The following PCBP3 variants were observed in gnomAD, a reference collection of about 807,000 sequenced individuals.
PCBP3 encodes poly(rC)-binding protein 3.
PCBP3 carries 25 observed loss-of-function variants against 52.7 expected under a neutral mutation model. That is an observed-to-expected ratio of 0.47 (90% CI 0.35 to 0.66). The LOEUF is 0.66. PCBP3 is among the 30% of genes least tolerant of loss of function. The pLI is 0.01. For missense variants in PCBP3, 391 were observed against 490.3 expected (o/e 0.80, Z 1.91); for synonymous variants, 162 against 183.0 (o/e 0.89, Z 0.93).
Position 45,880,275 on chromosome 21 carries a change from G to A in PCBP3, c.11-15933G>A, listed in dbSNP as rs2095368870. Among the ~76,000 whole-genome samples the A allele has an allele frequency of 1.3e-5, 2 of 152,214 alleles. No homozygotes were observed. The highest frequency in any genetic ancestry group is 2.9e-5 in the Non-Finnish European group (2 of 68,042). The stretch of plus-strand genomic sequence containing the variant: ...TGGAAAGCTCTACCCTGCTGGCCCT[G>A]GGCCTCGGAGGGGAGGGGAGCGCCT... On this transcript the variant is annotated intron_variant, in intron 5 of 17. Coordinates refer to ENST00000681687, the MANE Select transcript of PCBP3 (RefSeq NM_001384156.1). The surrounding 1 kb of genome is among the most constrained non-coding windows in gnomAD (Gnocchi z 5.4).
At chr21:45,877,110 A>C (rs2095279839) in intron 5 of PCBP3, among the ~76,000 whole-genome samples, 1 of 152,200 alleles carries the variant, frequency 6.6e-6, no homozygotes, top group Admixed American at 6.5e-5. Context: ...CTCACATGAC[A>C]CTTTCAAACG....
chr21:45,835,440 C>T (rs1417035633), intron 4 of PCBP3, among the ~76,000 whole-genome samples: 1 of 152,192 alleles, frequency 6.6e-6, no homozygotes, highest in Non-Finnish European at 1.5e-5. Context: ...CGGGTCTCTA[C>T]ACCTCCCTGC....
In PCBP3 at chr21:45,803,626, G is replaced by A. The variant is rs182072185; in HGVS notation, c.-125-46335G>A. On this transcript the variant is annotated intron_variant, in intron 4 of 17. Coordinates refer to ENST00000681687, the MANE Select transcript of PCBP3 (RefSeq NM_001384156.1). The stretch of plus-strand genomic sequence containing the variant: ...AACAGGACACTGAGGGCAGGAAGGT[G>A]TGCTGAGCTGCCCTGCACAGTGCTT... 1.8e-3 allele frequency among the ~76,000 whole-genome samples: 268 copies of A among 152,336 alleles called. 2 individuals are homozygous for A. The highest frequency in any genetic ancestry group is 6.8e-3 in the Middle Eastern group (2 of 294).
intron 4 of PCBP3, among the ~76,000 whole-genome samples, chr21:45,785,649 G>A (rs1425149540): frequency 2.0e-5 from 3 of 152,186 alleles, no homozygotes; most frequent in African/African-American, 7.2e-5. Context: ...ACAGCTCATT[G>A]AGAATGGGCC....
At chr21:45,855,453 C>T (rs551489514) in intron 5 of PCBP3, among the ~76,000 whole-genome samples, 2 of 152,310 alleles carry the variant, frequency 1.3e-5, no homozygotes, top group East Asian at 3.9e-4. Flanking sequence ...ACCCCACACC[C>T]CACCAGCACA....
chr21:45,897,046 C>T (rs934443321), intron 6 of PCBP3, among the ~76,000 whole-genome samples: 2 of 152,220 alleles, frequency 1.3e-5, no homozygotes, highest in African/African-American at 4.8e-5. Context: ...GTAGGAAAGG[C>T]GGACATGGCA....
At chr21:45,811,399 C>A (rs2092684429) in intron 4 of PCBP3, among the ~76,000 whole-genome samples, 1 of 152,272 alleles carries the variant, frequency 6.6e-6, no homozygotes, top group Non-Finnish European at 1.5e-5. Flanking sequence ...CCTCCACCTG[C>A]TGTGTCAGCC....
intron 4 of PCBP3, among the ~76,000 whole-genome samples, chr21:45,810,117 G>A (rs921301041): frequency 6.6e-6 from 1 of 152,088 alleles, no homozygotes; most frequent in Non-Finnish European, 1.5e-5. Flanking sequence ...ATAATTTACT[G>A]CCTTATCATG....
At chr21:45,910,547 T>C (rs1390930462) in intron 10 of PCBP3, among the ~76,000 whole-genome samples, 1 of 152,170 alleles carries the variant, frequency 6.6e-6, no homozygotes, top group Non-Finnish European at 1.5e-5. Context: ...TCCTTTCCCA[T>C]GACCAGAGTC....
chr21:45,677,641 G>C (rs1422483616), intron 2 of PCBP3, among the ~76,000 whole-genome samples: 1 of 152,202 alleles, frequency 6.6e-6, no homozygotes, highest in Non-Finnish European at 1.5e-5. Flanking sequence ...TCAATGCCTG[G>C]CTTCAAAGCT....
chr21:45,729,192 C>A (rs1050914512), intron 2 of PCBP3, among the ~76,000 whole-genome samples: 1 of 152,112 alleles, frequency 6.6e-6, no homozygotes, highest in Non-Finnish European at 1.5e-5. Flanking sequence ...CGTCTGGGTT[C>A]TTTCACTTAG....
At chr21:45,727,861 G>A (rs1266556353) in intron 2 of PCBP3, among the ~76,000 whole-genome samples, 1 of 152,206 alleles carries the variant, frequency 6.6e-6, no homozygotes, top group Non-Finnish European at 1.5e-5. Context: ...ATCAGACACA[G>A]AAAAGGAAAA....
intron 1 of PCBP3, among the ~76,000 whole-genome samples, chr21:45,663,821 C>G (rs2080581466): frequency 6.6e-6 from 1 of 151,854 alleles, no homozygotes; most frequent in South Asian, 2.1e-4. Context: ...TGCCTCTAGC[C>G]TTGTTCTTTT....
At chr21:45,847,392 C>G (rs752193622) in intron 4 of PCBP3, among the ~76,000 whole-genome samples, 4 of 152,236 alleles carry the variant, frequency 2.6e-5, no homozygotes, top group Non-Finnish European at 5.9e-5. Context: ...CAGCCCACCT[C>G]CATCCTTACC....
chr21:45,747,670 C>T (rs2087025513), intron 3 of PCBP3, among the ~76,000 whole-genome samples: 3 of 152,252 alleles, frequency 2.0e-5, no homozygotes, highest in Admixed American at 6.5e-5. Context: ...ACAGAGGCTG[C>T]GGTCTTGCCC....
At chr21:45,912,269 T>G (rs1277552009) in intron 11 of PCBP3, among the ~76,000 whole-genome samples, 1 of 152,146 alleles carries the variant, frequency 6.6e-6, no homozygotes, top group Non-Finnish European at 1.5e-5. Flanking sequence ...ACATGGCCAG[T>G]GAAGATGGCC....
intron 3 of PCBP3, among the ~76,000 whole-genome samples, chr21:45,744,702 T>A (rs555905009): frequency 2.6e-5 from 4 of 152,360 alleles, no homozygotes; most frequent in African/African-American, 7.2e-5. Context: ...ATTTTAATAG[T>A]TTCCTGAGTG....
chr21:45,646,107 C>CTCTGTGTGTGTGTGTGTGTG lies in PCBP3; in HGVS notation c.-279+2240_-279+2241insCTGTGTGTGTGTGTGTGTGT, dbSNP rs1555895746. Reference sequence around the variant, plus strand: ...TTTCTCTCTCTCTCTCTCTCTCTCTCTGTGTGTGTGTGTGTGTGTGTGTGT... The same window carrying CTCTGTGTGTGTGTGTGTGTG: ...TTTCTCTCTCTCTCTCTCTCTCTCTCTCTGTGTGTGTGTGTGTGTGTGTGTGTGTGTGTGTGTGTGTGTGT... On this transcript the variant is annotated intron_variant, in intron 1 of 17. Transcript: ENST00000681687. Among the ~76,000 whole-genome samples, 25 of 83,818 alleles carry CTCTGTGTGTGTGTGTGTGTG rather than the reference C, an allele frequency of 3.0e-4. No individual in the cohort carries two copies. The East Asian group carries it at 5.6e-3, about 19-fold the overall frequency. 55.0% of individuals were successfully genotyped at this position (83,818 alleles called of 152,430 possible).
intron 13 of PCBP3, among the ~76,000 whole-genome samples, chr21:45,926,826 C>T (rs954792069): frequency 2.6e-5 from 4 of 152,156 alleles, no homozygotes; most frequent in Admixed American, 6.5e-5. Flanking sequence ...TTTCTTAAAA[C>T]GTAAGCACAG....
Sources: gnomAD v4.1 joint callset for allele counts (sites outside exome capture counted in the v4.1 genomes callset) on GRCh38, gnomAD v4.1.1 for gene constraint, Gnocchi (gnomAD v3.1) non-coding constraint, MANE v1.5 for transcripts, NCBI Gene and HGNC (gene_info 2026-07-23, HGNC 2026-07-21) for gene names.